The following CFAP46 variants were observed in gnomAD, a reference collection of about 807,000 sequenced individuals.
The protein encoded by CFAP46 is cilia and flagella associated protein 46.
CFAP46 carries 245 observed loss-of-function variants against 325.7 expected under a neutral mutation model. That is an observed-to-expected ratio of 0.75 (90% CI 0.68 to 0.84). The LOEUF (loss-of-function observed/expected upper bound fraction) is 0.84. Ranked by LOEUF, CFAP46 falls within the 40% of genes least tolerant of loss-of-function variation. The pLI is 0.00. For synonymous variants in CFAP46, 1,523 were observed against 1,495.9 expected (o/e 1.02, Z -0.42); for missense variants, 3,346 against 3,543.0 (o/e 0.94, Z 1.41).
In CFAP46 at chr10:132,884,281, C is replaced by T. The variant is rs1032966998; in HGVS notation, c.3627+822G>A. Among the ~76,000 whole-genome samples, 2 of 152,242 alleles carry T rather than the reference C, an allele frequency of 1.3e-5. No homozygotes were observed. The highest frequency in any genetic ancestry group is 6.5e-5 in the Admixed American group (1 of 15,298). ...GTGGCTCCCCACGGTGGTACCCAGG[C>T]GTCTGCCTTGATCACCCAGTGCCCT... On this transcript the variant is annotated intron_variant, in intron 27 of 57. Transcript: ENST00000368586. The surrounding 1 kb of genome is among the most constrained non-coding windows in gnomAD (Gnocchi z 5.4).
At chr10:132,838,378 A>AATATACAG (rs1848300188) in intron 44 of CFAP46, among the ~76,000 whole-genome samples, 2 of 152,292 alleles carry the variant, frequency 1.3e-5, no homozygotes, top group African/African-American at 4.8e-5. Flanking sequence ...AAAGTGGCGT[A>AATATACAG]AAAGCCCATG....
chr10:132,940,752 C>G (rs886188052), intron 4 of CFAP46, among the ~76,000 whole-genome samples: 1 of 152,180 alleles, frequency 6.6e-6, no homozygotes, highest in Non-Finnish European at 1.5e-5. Context: ...AGAAAACAGA[C>G]TCTTCACAGC....
chr10:132,832,761 G>T lies in CFAP46; in HGVS notation c.7117+597C>A, dbSNP rs373396562. 1 of 471,206 alleles carries T rather than the reference G, an allele frequency of 2.1e-6. No individual in the cohort carries two copies. Among genetic ancestry groups the T allele is most frequent in the Non-Finnish European group, 4.4e-6 (1 of 227,082 alleles). 29.2% of individuals were successfully genotyped at this position (471,206 alleles called of 1,614,324 possible). A position where few individuals can be genotyped will look rare whatever the true frequency, so the allele number is the denominator to read the frequency against. On this transcript the variant is annotated intron_variant, in intron 50 of 57. Coordinates refer to ENST00000368586, the MANE Select transcript of CFAP46 (RefSeq NM_001200049.3). This position sits in a 1 kb window ranked among gnomAD's most constrained non-coding sequence, Gnocchi z 4.1. Reference sequence around the variant, plus strand: ...ATGTCATCACCCCCGAATCCCAGCCGAGGTCAGGGCCTTCCGCGCGCTCCC... The same window carrying T: ...ATGTCATCACCCCCGAATCCCAGCCTAGGTCAGGGCCTTCCGCGCGCTCCC...
rs139787876 is a variant in CFAP46, at chr10:132,886,161, G to A, written c.3305-202C>T. 9.8e-5 allele frequency among the ~76,000 whole-genome samples: 15 copies of A among 152,296 alleles called. No individual in the cohort carries two copies. The highest frequency in any genetic ancestry group is 2.9e-4 in the African/African-American group (12 of 41,558). On this transcript the variant is annotated intron_variant, in intron 25 of 57. Coordinates refer to ENST00000368586, the MANE Select transcript of CFAP46 (RefSeq NM_001200049.3). The surrounding 1 kb of genome is among the most constrained non-coding windows in gnomAD (Gnocchi z 5.8). ...CCCTCCAGCCCCACAGTGGCCACCC[G>A]GGATGCCCTTTCCGTTGCAGGAAGC...
intron 39 of CFAP46, 65 bp from the exon 40 acceptor site, chr10:132,851,370 C>T (rs1207571402): frequency 5.3e-6 from 8 of 1,511,966 alleles, no homozygotes; most frequent in Admixed American, 4.0e-5. Context: ...TACATCCCCA[C>T]AACTTGGATG....
chr10:132,856,278 G>T, intron 39 of CFAP46, among the ~76,000 whole-genome samples: 1 of 152,300 alleles, frequency 6.6e-6, no homozygotes, highest in Non-Finnish European at 1.5e-5. Flanking sequence ...TAAAGTGTTT[G>T]GTTATGGTGT....
chr10:132,834,794 G>C lies in CFAP46; in HGVS notation c.6745-19C>G, dbSNP rs2135005603. The C allele has an allele frequency of 6.2e-7, 1 of 1,606,272 alleles. No homozygotes were observed. Among genetic ancestry groups the C allele is most frequent in the Non-Finnish European group, 8.5e-7 (1 of 1,175,730 alleles). ...CTGGTTCCTACCGCAATCCAAAAAA[G>C]AGGCCCCCGTAGCAAACAGGGCGCA... On this transcript the variant is annotated intron_variant, in intron 47 of 57. Transcript: ENST00000368586.
Position 132,835,282 on chromosome 10 carries a change from C to T in CFAP46, c.6744+22G>A, listed in dbSNP as rs753483695. The T allele has an allele frequency of 3.1e-6, 5 of 1,610,408 alleles. No individual in the cohort carries two copies. In the South Asian group the frequency reaches 5.5e-5, roughly 18 times the overall value. The stretch of plus-strand genomic sequence containing the variant: ...GGAGCAGAGGGTCCCGGCTGGGTGG[C>T]TTGGAGCCTGGAGGGCCTCACCGAG... On this transcript the variant is annotated intron_variant, in intron 47 of 57. Coordinates refer to ENST00000368586, the MANE Select transcript of CFAP46 (RefSeq NM_001200049.3).
intron 28 of CFAP46, 35 bp from the exon 29 acceptor site, chr10:132,879,666 C>T (rs1421355915): frequency 6.8e-7 from 1 of 1,470,264 alleles, no homozygotes; most frequent in Non-Finnish European, 9.0e-7. Flanking sequence ...GAGAGCAGGC[C>T]CGGCTACGGG....
At chr10:132,840,893 C>A (rs151146183) in intron 44 of CFAP46, among the ~76,000 whole-genome samples, 1 of 152,158 alleles carries the variant, frequency 6.6e-6, no homozygotes, top group South Asian at 2.1e-4. Flanking sequence ...AGGGCCTTCT[C>A]GCAGGTGGGG....
At chr10:132,834,886 C>CA in intron 47 of CFAP46, 111 bp from the exon 48 acceptor site, 1 of 1,409,758 alleles carries the variant, frequency 7.1e-7, no homozygotes, top group Non-Finnish European at 9.4e-7. Flanking sequence ...CTGCAAACAG[C>CA]ATGGTGGACA....
chr10:132,918,264 T>A (rs565427082), intron 16 of CFAP46, 129 bp downstream of exon 16: 2 of 117,030 alleles, frequency 1.7e-5, no homozygotes, highest in Non-Finnish European at 2.4e-5. Context: ...TCAGCACCGA[T>A]GAACCCCCCT....
chr10:132,861,873 A>T (rs1160340002), intron 35 of CFAP46, among the ~76,000 whole-genome samples: 1 of 152,038 alleles, frequency 6.6e-6, no homozygotes, highest in East Asian at 1.9e-4. Flanking sequence ...TGGGCTGATG[A>T]GCTGGGGCTA....
At chr10:132,861,011 G>A (rs1848714145) in intron 35 of CFAP46, 29 bp from the exon 36 acceptor site, 1 of 1,547,218 alleles carries the variant, frequency 6.5e-7, no homozygotes, top group Admixed American at 2.0e-5. Context: ...GACATGCTTG[G>A]GTTCCTCTAC....
chr10:132,852,259 T>A (rs1298697876), intron 39 of CFAP46, among the ~76,000 whole-genome samples: 3 of 151,758 alleles, frequency 2.0e-5, no homozygotes, highest in South Asian at 4.2e-4. Flanking sequence ...AGACGTGGTA[T>A]GTTCCTCCAT....
At chr10:132,929,147 C>A in intron 9 of CFAP46, 1 of 264,276 alleles carries the variant, frequency 3.8e-6, no homozygotes, top group East Asian at 7.1e-5. Flanking sequence ...TGTGATTTTT[C>A]TAGACGGAAA....
At chr10:132,848,666 A>G (rs1243469127) in intron 41 of CFAP46, among the ~76,000 whole-genome samples, 1 of 152,194 alleles carries the variant, frequency 6.6e-6, no homozygotes, top group Non-Finnish European at 1.5e-5. Context: ...AAGTCACAAG[A>G]ACAGCGAAAG....
At chr10:132,912,214 CCTCTCTCTT>C (rs1437357706) in intron 19 of CFAP46, among the ~76,000 whole-genome samples, 1 of 125,152 alleles carries the variant, frequency 8.0e-6, no homozygotes, top group Non-Finnish European at 1.7e-5. Context: ...TCTTCCCTCT[CCTCTCTCTT>C]CTCCTCTCTC....
intron 1 of CFAP46, 87 bp from the exon 2 acceptor site, chr10:132,942,191 C>A: frequency 6.7e-7 from 1 of 1,493,638 alleles, no homozygotes; most frequent in South Asian, 1.3e-5. Context: ...CCCCAGGCAG[C>A]CGCCTTGGGC....
Sources: gnomAD v4.1 joint callset for allele counts (sites outside exome capture counted in the v4.1 genomes callset) on GRCh38, gnomAD v4.1.1 for gene constraint, Gnocchi (gnomAD v3.1) non-coding constraint, MANE v1.5 for transcripts, NCBI Gene and HGNC (gene_info 2026-07-23, HGNC 2026-07-21) for gene names.